SPTSSA: variants seen among roughly 807,000 people sequenced by gnomAD.
The protein encoded by SPTSSA is small subunit of serine palmitoyltransferase A.
SPTSSA carries 8 observed loss-of-function variants against 9.1 expected under a neutral mutation model. The ratio of observed to expected loss-of-function variants is 0.88; its 90% CI spans 0.51 to 1.58. SPTSSA has a LOEUF of 1.58. Ranked by LOEUF, SPTSSA falls within the 40% of genes most tolerant of loss-of-function variation. The pLI is 0.00. For missense variants in SPTSSA, 100 were observed against 93.8 expected, an observed-to-expected ratio of 1.07 and a Z score of -0.27; for synonymous variants, 42 against 37.7, an observed-to-expected ratio of 1.11 and a Z score of -0.41.
In SPTSSA at chr14:34,434,035, T is replaced by G. The variant is rs191235056; in HGVS notation, c.*1166A>C. The G allele has an allele frequency of 1.3e-5, 2 of 152,242 alleles. No homozygotes were observed. The highest frequency in any genetic ancestry group is 1.3e-4 in the Admixed American group (2 of 15,276). The allele number at this position is 152,242 out of a possible 1,614,324, so 9.4% of individuals were successfully genotyped here. ...AATTCTTTTCAATTAGCAATATTTT[T>G]ATGTTGCAAAACATATAGGATAAGA... On this transcript the variant is annotated 3_prime_UTR_variant, in exon 2 of 2. Coordinates refer to ENST00000298130, the MANE Select transcript of SPTSSA (RefSeq NM_138288.4).
At chr14:34,441,316 C>T (rs1883312601) in intron 1 of SPTSSA, among the ~76,000 whole-genome samples, 1 of 152,140 alleles carries the variant, frequency 6.6e-6, no homozygotes. Flanking sequence ...CACTTTGTAA[C>T]TTTACTTCAT....
At chr14:34,459,121 G>A (rs1451843983) in intron 1 of SPTSSA, among the ~76,000 whole-genome samples, 1 of 151,966 alleles carries the variant, frequency 6.6e-6, no homozygotes, top group Non-Finnish European at 1.5e-5. Flanking sequence ...GTAAACTAAT[G>A]CATCTATCCT....
At chr14:34,437,790 T>G (rs902508610) in intron 1 of SPTSSA, among the ~76,000 whole-genome samples, 2 of 152,156 alleles carry the variant, frequency 1.3e-5, no homozygotes, top group African/African-American at 4.8e-5. Context: ...TTTTACATAC[T>G]AAACTAATAA....
At chr14:34,448,070 C>T (rs540727941) in intron 1 of SPTSSA, among the ~76,000 whole-genome samples, 3 of 152,206 alleles carry the variant, frequency 2.0e-5, no homozygotes, top group Non-Finnish European at 4.4e-5. Flanking sequence ...GCCTGGCCAA[C>T]ATGGTGAAAT....
intron 1 of SPTSSA, among the ~76,000 whole-genome samples, chr14:34,440,647 C>A (rs1406633799): frequency 6.6e-6 from 1 of 152,022 alleles, no homozygotes; most frequent in Non-Finnish European, 1.5e-5. Flanking sequence ...TTTGGGAGGC[C>A]GAGGCGGGTG....
intron 1 of SPTSSA, among the ~76,000 whole-genome samples, chr14:34,451,640 G>C (rs1272239247): frequency 6.6e-6 from 1 of 150,764 alleles, no homozygotes; most frequent in African/African-American, 2.4e-5. Flanking sequence ...GGAGAATGGC[G>C]TGAACTCGGG....
intron 1 of SPTSSA, among the ~76,000 whole-genome samples, chr14:34,458,960 A>C (rs2138837041): frequency 7.2e-6 from 1 of 139,596 alleles, no homozygotes; most frequent in East Asian, 2.2e-4. Context: ...GCTAGAGTGC[A>C]GTGGCGTGAT....
chr14:34,442,020 C>A (rs746636286), intron 1 of SPTSSA, among the ~76,000 whole-genome samples: 1 of 152,042 alleles, frequency 6.6e-6, no homozygotes, highest in Non-Finnish European at 1.5e-5. Context: ...GGATTACAGG[C>A]GCCCGCCACC....
intron 1 of SPTSSA, among the ~76,000 whole-genome samples, chr14:34,438,247 C>T (rs1417112337): frequency 6.6e-6 from 1 of 150,474 alleles, no homozygotes; most frequent in South Asian, 2.2e-4. Context: ...GTTGAGTATC[C>T]CTCATCCTAA....
In SPTSSA at chr14:34,434,396, T is replaced by A. The variant is rs1883206862; in HGVS notation, c.*805A>T. ...AAACTAAATTTAAGGAAGTACATTGTTAATAGTGACCCTCGGAGGAAATGG... is the reference window on the plus strand; with the variant it reads ...AAACTAAATTTAAGGAAGTACATTGATAATAGTGACCCTCGGAGGAAATGG... On this transcript the variant is annotated 3_prime_UTR_variant, in exon 2 of 2. Coordinates refer to ENST00000298130, the MANE Select transcript of SPTSSA (RefSeq NM_138288.4). 1 of 152,664 alleles carries A rather than the reference T, an allele frequency of 6.6e-6. No individual in the cohort carries two copies. Among genetic ancestry groups the A allele is most frequent in the Non-Finnish European group, 1.5e-5 (1 of 68,046 alleles). 9.5% of individuals were successfully genotyped at this position (152,664 alleles called of 1,614,324 possible).
chr14:34,439,781 T>C (rs1883290923), intron 1 of SPTSSA, among the ~76,000 whole-genome samples: 1 of 152,212 alleles, frequency 6.6e-6, no homozygotes, highest in Non-Finnish European at 1.5e-5. Context: ...CAAGTTCCAG[T>C]AACCTCCCCA....
At chr14:34,454,829 G>A (rs573295763) in intron 1 of SPTSSA, among the ~76,000 whole-genome samples, 1 of 152,332 alleles carries the variant, frequency 6.6e-6, no homozygotes, top group South Asian at 2.1e-4. Flanking sequence ...GCTCATGCCT[G>A]TAATCCCAGA....
intron 1 of SPTSSA, among the ~76,000 whole-genome samples, chr14:34,438,875 TA>T (rs1451252052): frequency 2.6e-5 from 4 of 152,186 alleles, no homozygotes; most frequent in Non-Finnish European, 5.9e-5. Flanking sequence ...ATGATCCTTT[TA>T]AAATGCATTA....
chr14:34,438,876 A>T (rs1883278872), intron 1 of SPTSSA, among the ~76,000 whole-genome samples: 1 of 152,164 alleles, frequency 6.6e-6, no homozygotes, highest in Admixed American at 6.5e-5. Flanking sequence ...TGATCCTTTT[A>T]AAATGCATTA....
At chr14:34,449,976 T>TG (rs1418965138) in intron 1 of SPTSSA, among the ~76,000 whole-genome samples, 1 of 152,160 alleles carries the variant, frequency 6.6e-6, no homozygotes, top group Non-Finnish European at 1.5e-5. Context: ...TTTTAAGAAA[T>TG]GGGTAGGAGA....
chr14:34,445,049 C>T (rs1054591354), intron 1 of SPTSSA, among the ~76,000 whole-genome samples: 3 of 151,766 alleles, frequency 2.0e-5, no homozygotes, highest in Admixed American at 6.6e-5. Context: ...AAGATCACAC[C>T]GTTGCACCCC....
Position 34,435,262 on chromosome 14 carries a change from C to T in SPTSSA, c.155G>A (p.Gly52Glu). The change falls in exon 2 of 2, where the codon GGA (glycine) becomes GAA (glutamate). Residue 52 changes from glycine to glutamate, a missense_variant. Physicochemically the swap from Gly to Glu is moderately conservative, Grantham distance 98. Transcript: ENST00000298130. ...GATGTGCTGGGGCATGAAGACGTAT[C>T]CTGTGTATAGTGCCATCCCCACAAT... ...VSIVGMALYTGYVFMPQHIMA... is the reference protein window; with the variant it reads ...VSIVGMALYTEYVFMPQHIMA... 1 of 1,613,828 alleles carries T rather than the reference C, an allele frequency of 6.2e-7. No homozygotes were observed. The highest frequency in any genetic ancestry group is 8.5e-7 in the Non-Finnish European group (1 of 1,179,824).
intron 1 of SPTSSA, among the ~76,000 whole-genome samples, chr14:34,450,010 C>A (rs1883492759): frequency 6.6e-6 from 1 of 152,068 alleles, no homozygotes; most frequent in Admixed American, 6.6e-5. Flanking sequence ...TGTAGGAGAC[C>A]CAGGTTTGAG....
chr14:34,441,420 C>G (rs1209828141), intron 1 of SPTSSA, among the ~76,000 whole-genome samples: 1 of 152,176 alleles, frequency 6.6e-6, no homozygotes, highest in African/African-American at 2.4e-5. Context: ...GGCCTTTGAG[C>G]CCCTATGCTC....
Sources: allele counts gnomAD v4.1 joint callset (sites outside exome capture counted in the v4.1 genomes callset), GRCh38; gene constraint gnomAD v4.1.1; transcripts MANE v1.5; gene names NCBI Gene and HGNC (gene_info 2026-07-23, HGNC 2026-07-21).